Variants in PCDHA6 observed in about 807,000 individuals in gnomAD.
PCDHA6 encodes the protein protocadherin alpha-6.
In PCDHA6, 55 loss-of-function variants were observed where a neutral mutation model predicts 60.3. That is an observed-to-expected ratio of 0.91 (90% CI 0.73 to 1.14). The LOEUF is 1.14. PCDHA6 is among the 50% of genes most tolerant of loss of function. The pLI is 0.00. For missense variants in PCDHA6, 1,327 were observed against 1,256.5 expected (o/e 1.06, Z -0.85); for synonymous variants, 652 against 557.9 (o/e 1.17, Z -2.38).
At chr5:140,996,752 G>T (rs1454271001) in intron 3 of PCDHA6, among the ~76,000 whole-genome samples, 4 of 152,090 alleles carry the variant, frequency 2.6e-5, no homozygotes, top group African/African-American at 7.2e-5. Context: ...AATTATATCT[G>T]TGCAGGACTA....
chr5:140,845,035 G>GC (rs1258686768), intron 1 of PCDHA6, among the ~76,000 whole-genome samples: 16 of 149,032 alleles, frequency 1.1e-4, no homozygotes, highest in African/African-American at 3.7e-4. Flanking sequence ...GCATATTTTA[G>GC]CCCCCTTGTC....
At chr5:140,886,253 T>G (rs2060912572) in intron 1 of PCDHA6, among the ~76,000 whole-genome samples, 1 of 152,034 alleles carries the variant, frequency 6.6e-6, no homozygotes, top group African/African-American at 2.4e-5. Context: ...TAAAAGTATC[T>G]CTATTTATAG....
intron 1 of PCDHA6, among the ~76,000 whole-genome samples, chr5:140,903,182 G>A (rs1030121963): frequency 1.3e-5 from 2 of 152,164 alleles, no homozygotes; most frequent in Non-Finnish European, 2.9e-5. Flanking sequence ...CCCACCAATA[G>A]TATAAAAGAG....
At chr5:140,926,829 G>A in intron 1 of PCDHA6, 1 of 1,501,192 alleles carries the variant, frequency 6.7e-7, no homozygotes, top group Middle Eastern at 2.1e-4. Context: ...CCAGGAGTCC[G>A]GAGCATGGTC....
At chr5:140,970,650 ATTG>A (rs2096422935) in intron 1 of PCDHA6, among the ~76,000 whole-genome samples, 1 of 152,200 alleles carries the variant, frequency 6.6e-6, no homozygotes, top group South Asian at 2.1e-4. Flanking sequence ...ATAGTGATGA[ATTG>A]TTATCTTTCC....
chr5:140,832,930 G>A (rs2150205198), intron 1 of PCDHA6, among the ~76,000 whole-genome samples: 32 of 152,268 alleles, frequency 2.1e-4, no homozygotes, highest in African/African-American at 7.7e-4. Flanking sequence ...GTATTCATGA[G>A]AAGAGAGTAA....
chr5:140,926,825 G>T (rs937740656), intron 1 of PCDHA6: 2 of 1,499,696 alleles, frequency 1.3e-6, no homozygotes, highest in Admixed American at 4.7e-5. Flanking sequence ...CTCTCCAGGA[G>T]TCCGGAGCAT....
intron 1 of PCDHA6, chr5:140,853,845 T>C (rs2150303295): frequency 1.0e-6 from 1 of 986,388 alleles, no homozygotes. Context: ...TTTAGATCCA[T>C]AGCCCTATTT....
chr5:141,009,706 C>G lies in PCDHA6; in HGVS notation c.2622C>G (p.Gly874=). Reference sequence around the variant, plus strand: ...GCTGGACCTTTAAATACGGACCAGGCAACCCCAAACAATCCGGTCCCGGTG... The same window carrying G: ...GCTGGACCTTTAAATACGGACCAGGGAACCCCAAACAATCCGGTCCCGGTG... ...SNSWTFKYGP[G]NPKQSGPGEL... The change falls in exon 4 of 4, where the codon GGC becomes GGG. Residue 874 remains glycine, a synonymous_variant. Transcript: ENST00000529310. 1 of 1,614,118 alleles carries G rather than the reference C, an allele frequency of 6.2e-7. No homozygotes were observed. Among genetic ancestry groups the G allele is most frequent in the Non-Finnish European group, 8.5e-7 (1 of 1,180,020 alleles).
intron 1 of PCDHA6, chr5:140,883,595 G>C: frequency 6.2e-7 from 1 of 1,614,036 alleles, no homozygotes; most frequent in Non-Finnish European, 8.5e-7. Flanking sequence ...CAGCGTGTCG[G>C]TGGGGGTGGC....
chr5:140,960,913 T>C (rs184385777), intron 1 of PCDHA6, among the ~76,000 whole-genome samples: 10 of 152,320 alleles, frequency 6.6e-5, no homozygotes, highest in Admixed American at 2.6e-4. Flanking sequence ...GAGTTTCAGA[T>C]AGAAAATTGG....
rs187034758 is a variant in PCDHA6 at position 140,897,376 on chromosome 5, C to G, written c.2394+66891C>G. 8.0e-3 allele frequency among the ~76,000 whole-genome samples: 1,079 copies of G among 134,538 alleles called. 8 individuals are homozygous for G. Among genetic ancestry groups the G allele is most frequent in the Non-Finnish European group, 0.013 (863 of 65,384 alleles). 88.3% of individuals were successfully genotyped at this position (134,538 alleles called of 152,430 possible). A position where few individuals can be genotyped will look rare whatever the true frequency, so the allele number is the denominator to read the frequency against. ...TGTCCCCAGAGTGTGATGTTCCCTT[C>G]CCCTTCCTGTGTCCATGTGTTCTCA... On this transcript the variant is annotated intron_variant, in intron 1 of 3. Coordinates refer to ENST00000529310, the MANE Select transcript of PCDHA6 (RefSeq NM_018909.4).
At chr5:140,998,977 ATAG>A (rs2097842205) in intron 3 of PCDHA6, among the ~76,000 whole-genome samples, 1 of 152,242 alleles carries the variant, frequency 6.6e-6, no homozygotes, top group African/African-American at 2.4e-5. Flanking sequence ...ATCCTAGAAA[ATAG>A]TAGAAAGCAG....
chr5:140,840,505 T>G (rs1776737088), intron 1 of PCDHA6, among the ~76,000 whole-genome samples: 1 of 152,026 alleles, frequency 6.6e-6, no homozygotes, highest in African/African-American at 2.4e-5. Flanking sequence ...AATACTCACT[T>G]TTTGGAGCAG....
intron 1 of PCDHA6, among the ~76,000 whole-genome samples, chr5:140,941,214 C>CCTTTCTTTCTTCCTTTCTTTCTTT (rs2092876516): frequency 2.3e-4 from 28 of 122,490 alleles, no homozygotes; most frequent in Middle Eastern, 4.2e-3. Context: ...TTTCTTTCTT[C>CCTTTCTTTCTTCCTTTCTTTCTTT]CTTTCTTTCT....
chr5:140,891,427 C>T (rs1465861457), intron 1 of PCDHA6, among the ~76,000 whole-genome samples: 2 of 149,500 alleles, frequency 1.3e-5, no homozygotes, highest in African/African-American at 4.9e-5. Flanking sequence ...CCCCCAAGTC[C>T]CCAACGTCCA....
At chr5:140,906,063 A>T (rs572488248) in intron 1 of PCDHA6, among the ~76,000 whole-genome samples, 1 of 152,318 alleles carries the variant, frequency 6.6e-6, no homozygotes, top group South Asian at 2.1e-4. Flanking sequence ...CTGGCAGCTG[A>T]TTAGATCGCA....
At chr5:140,994,355 G>A (rs2097616615) in intron 3 of PCDHA6, among the ~76,000 whole-genome samples, 2 of 152,240 alleles carry the variant, frequency 1.3e-5, no homozygotes, top group South Asian at 4.1e-4. Flanking sequence ...TGGGACCTCA[G>A]AAGATGGAAT....
chr5:140,842,014 A>G (rs2150327358), intron 1 of PCDHA6: 1 of 1,613,836 alleles, frequency 6.2e-7, no homozygotes. Context: ...TGCTGGTCAC[A>G]GTGCTGGATG....
Sources: gnomAD v4.1 joint callset for allele counts (sites outside exome capture counted in the v4.1 genomes callset) on GRCh38, gnomAD v4.1.1 for gene constraint, MANE v1.5 for transcripts, NCBI Gene and HGNC (gene_info 2026-07-23, HGNC 2026-07-21) for gene names.